The following ITGA6 variants were observed in gnomAD, a reference collection of about 807,000 sequenced individuals.
ITGA6 encodes integrin alpha-6.
ITGA6 carries 63 observed loss-of-function variants against 133.6 expected under a neutral mutation model. The ratio of observed to expected loss-of-function variants is 0.47; its 90% CI spans 0.38 to 0.58. The LOEUF is 0.58. Ranked by LOEUF, ITGA6 falls within the 20% of genes least tolerant of loss-of-function variation. The probability of loss-of-function intolerance (pLI) is 0.00; values close to 1 mark genes in which losing one functional copy is unlikely to be tolerated. For missense variants in ITGA6, 1,068 were observed against 1,309.4 expected (o/e 0.82, Z 2.85); for synonymous variants, 434 against 482.0 (o/e 0.90, Z 1.30).
At chr2:172,489,208 A>G (rs1686817203) in intron 19 of ITGA6, among the ~76,000 whole-genome samples, 1 of 152,112 alleles carries the variant, frequency 6.6e-6, no homozygotes, top group African/African-American at 2.4e-5. Context: ...TGTTGAGAAC[A>G]TGGTATATCT....
Position 172,501,805 on chromosome 2 carries a change from T to A in ITGA6, c.3148T>A (p.Tyr1050Asn). 1 of 1,612,740 alleles carries A rather than the reference T, an allele frequency of 6.2e-7. No homozygotes were observed. The highest frequency in any genetic ancestry group is 2.2e-5 in the East Asian group (1 of 44,862). ...GFFKRNKKDH[Y>N]DATYHKAEIH... Reference sequence around the variant, plus strand: ...CTTCAAGAGAAATAAGAAAGATCATTATGATGCCACATATCACAAGGCTGA... The same window carrying A: ...CTTCAAGAGAAATAAGAAAGATCATAATGATGCCACATATCACAAGGCTGA... Residue 1050 changes from tyrosine (Y) to asparagine (N), a missense_variant, in exon 25 of 26, where the codon TAT becomes AAT. Transcript: ENST00000684293.
At position 172,479,990 on chromosome 2, in the gene ITGA6, C is replaced by A. The variant is rs200560853; in HGVS notation, c.1488C>A (p.Cys496Ter). ...GAAATATGTGTTTGATTTTATTCAG[C>A]CTCCAGGTTAAATCCTGTTTTGAAT... is the stretch of plus-strand genomic sequence containing the variant. ...KTACGAPSGI[C>*]LQVKSCFEYT... Residue 496 changes from cysteine to a stop codon, truncating the protein, a stop_gained and splice_region_variant, in exon 11 of 26, where the codon TGC becomes TGA. Coordinates refer to ENST00000684293, the MANE Select transcript of ITGA6 (RefSeq NM_000210.4). LOFTEE classifies it high-confidence loss of function. 1.9e-6 allele frequency: 3 copies of A among 1,589,172 alleles called. No homozygotes were observed. Among genetic ancestry groups the A allele is most frequent in the Non-Finnish European group, 2.6e-6 (3 of 1,157,352 alleles).
intron 5 of ITGA6, 105 bp downstream of exon 5, chr2:172,471,210 C>A: frequency 7.4e-7 from 1 of 1,348,208 alleles, no homozygotes; most frequent in Non-Finnish European, 1.0e-6. Context: ...TGAGAAGAGG[C>A]CAGGTGGGGC....
At chr2:172,458,007 A>G (rs2149027153) in intron 1 of ITGA6, among the ~76,000 whole-genome samples, 1 of 152,178 alleles carries the variant, frequency 6.6e-6, no homozygotes, top group Non-Finnish European at 1.5e-5. Context: ...CAGGTAAAGC[A>G]GGGACTAGGA....
At chr2:172,446,888 C>T (rs1268480523) in intron 1 of ITGA6, among the ~76,000 whole-genome samples, 1 of 152,092 alleles carries the variant, frequency 6.6e-6, no homozygotes, top group Non-Finnish European at 1.5e-5. Flanking sequence ...AACTTTTCAC[C>T]TAATTTAATT....
At chr2:172,493,363 A>T (rs748414664) in intron 23 of ITGA6, among the ~76,000 whole-genome samples, 2 of 152,218 alleles carry the variant, frequency 1.3e-5, no homozygotes, top group Non-Finnish European at 2.9e-5. Flanking sequence ...CTTTCTCTGC[A>T]TCTATAAAGG....
intron 11 of ITGA6, among the ~76,000 whole-genome samples, chr2:172,481,774 C>A (rs1686452497): frequency 6.6e-6 from 1 of 152,148 alleles, no homozygotes; most frequent in South Asian, 2.1e-4. Flanking sequence ...TTTGATGCAG[C>A]CGGCATTTTG....
rs547472531 is a variant in ITGA6, at chr2:172,470,983, G to C, written c.653G>C (p.Arg218Pro). The C allele has an allele frequency of 1.2e-6, 2 of 1,613,572 alleles. No individual in the cohort carries two copies. Among genetic ancestry groups the C allele is most frequent in the South Asian group, 1.1e-5 (1 of 91,068 alleles). The change falls in exon 5 of 26, where the codon CGT becomes CCT. Residue 218 changes from arginine (R) to proline (P), a missense_variant. Physicochemically the swap from Arg to Pro is moderately radical, Grantham distance 103. This residue lies in a region of ITGA6 where 317 missense variants were observed against 456.9 expected (regional missense o/e 0.69). Coordinates refer to ENST00000684293, the MANE Select transcript of ITGA6 (RefSeq NM_000210.4). ...CATTTCATTCCTTTAGGGATTGTTC[G>C]TGTAGAGCAAAAGAATAACACTTTT... The part of the protein sequence containing the change: ...PGTYNWKGIV[R>P]VEQKNNTFFD...
intron 1 of ITGA6, among the ~76,000 whole-genome samples, chr2:172,436,752 A>G (rs1684338200): frequency 6.6e-6 from 1 of 152,206 alleles, no homozygotes; most frequent in African/African-American, 2.4e-5. Context: ...TTCACTGAGT[A>G]TTTACTATGT....
At chr2:172,460,995 T>G (rs1016980587) in intron 1 of ITGA6, among the ~76,000 whole-genome samples, 5 of 152,212 alleles carry the variant, frequency 3.3e-5, no homozygotes, top group Non-Finnish European at 5.9e-5. Context: ...TTAGAACTTT[T>G]GATTTGAAGT....
At chr2:172,428,000 T>A (rs6731763) in intron 1 of ITGA6, 30 bp downstream of exon 1, 3 of 1,578,914 alleles carry the variant, frequency 1.9e-6, no homozygotes, top group Non-Finnish European at 2.6e-6. Flanking sequence ...CCACCCCCAC[T>A]GGGGCGCCGG....
intron 1 of ITGA6, among the ~76,000 whole-genome samples, chr2:172,437,133 A>G (rs542218808): frequency 3.3e-5 from 5 of 152,362 alleles, no homozygotes; most frequent in South Asian, 4.1e-4. Context: ...ATAGGGCCTT[A>G]TGGATCATCG....
intron 1 of ITGA6, among the ~76,000 whole-genome samples, chr2:172,433,877 T>C (rs1684210012): frequency 6.6e-6 from 1 of 152,000 alleles, no homozygotes; most frequent in Non-Finnish European, 1.5e-5. Context: ...CAGAGATGAG[T>C]GGACAGATGG....
In ITGA6 at chr2:172,487,730, C is replaced by A; in HGVS notation, c.2247C>A (p.Val749=). The change falls in exon 17 of 26, where the codon GTC becomes GTA. Residue 749 remains valine (V), a splice_region_variant and synonymous_variant. Transcript: ENST00000684293. Reference sequence around the variant, plus strand: ...AACAGCTATTTATGTTTTTTTAGGTCACTTTTTATTTGGTTTTAAGTACAA... The same window carrying A: ...AACAGCTATTTATGTTTTTTTAGGTAACTTTTTATTTGGTTTTAAGTACAA... ...LGNPFKRNSN[V]TFYLVLSTTE... 6.2e-7 allele frequency: 1 copy of A among 1,610,102 alleles called. No homozygotes were observed. Among genetic ancestry groups the A allele is most frequent in the South Asian group, 1.1e-5 (1 of 90,942 alleles).
At position 172,502,254 on chromosome 2, in the gene ITGA6, G is replaced by A. The variant is rs1482556261; in HGVS notation, c.*22+353G>A. Among the ~76,000 whole-genome samples, 7 of 152,216 alleles carry A rather than the reference G, an allele frequency of 4.6e-5. No homozygotes were observed. In the East Asian group the frequency reaches 1.3e-3, roughly 29 times the overall value. ...ATTCGGTATGTAGCATTCCACTAGGGAATTCAAAGATGCATAAGAAATCAT... is the reference window on the plus strand; with the variant it reads ...ATTCGGTATGTAGCATTCCACTAGGAAATTCAAAGATGCATAAGAAATCAT... On this transcript the variant is annotated intron_variant, in intron 25 of 25. Transcript: ENST00000684293.
intron 3 of ITGA6, among the ~76,000 whole-genome samples, chr2:172,467,851 G>C (rs1039467176): frequency 1.3e-5 from 2 of 152,182 alleles, no homozygotes; most frequent in South Asian, 2.1e-4. Flanking sequence ...GCTGGGCGTA[G>C]TGGCATGCGC....
chr2:172,484,479 T>C (rs1686581125), intron 11 of ITGA6, among the ~76,000 whole-genome samples: 2 of 152,234 alleles, frequency 1.3e-5, no homozygotes, highest in South Asian at 4.1e-4. Context: ...TGTGGGTTCA[T>C]GAACTTCAGC....
intron 1 of ITGA6, among the ~76,000 whole-genome samples, chr2:172,432,727 A>G (rs1684152992): frequency 6.6e-6 from 1 of 152,356 alleles, no homozygotes; most frequent in East Asian, 1.9e-4. Context: ...CCCTAAAGGC[A>G]GACTTTAGAA....
intron 1 of ITGA6, among the ~76,000 whole-genome samples, chr2:172,452,591 A>T (rs191072707): frequency 5.9e-4 from 90 of 152,318 alleles, no homozygotes; most frequent in African/African-American, 2.1e-3. Context: ...GCATTTTCTC[A>T]TCTATAAGTA....
Sources: gnomAD v4.1 joint callset for allele counts (sites outside exome capture counted in the v4.1 genomes callset) on GRCh38, gnomAD v4.1.1 for gene constraint, gnomAD v4.1.1 regional missense constraint, MANE v1.5 for transcripts, NCBI Gene and HGNC (gene_info 2026-07-23, HGNC 2026-07-21) for gene names.